The following ZMAT4 variants were observed in gnomAD, a reference collection of about 807,000 sequenced individuals.
The protein encoded by ZMAT4 is zinc finger matrin-type protein 4.
A neutral mutation model predicts 28.7 loss-of-function variants in ZMAT4; 17 were observed. That is an observed-to-expected ratio of 0.59 (90% CI 0.41 to 0.89). ZMAT4 has a LOEUF of 0.89. Among genes scored for constraint, ZMAT4 ranks in the 40% least tolerant of loss-of-function variants. ZMAT4 has a pLI of 0.00. For synonymous variants in ZMAT4, 117 were observed against 109.2 expected, an observed-to-expected ratio of 1.07 and a Z score of -0.44; for missense variants, 240 against 283.8, an observed-to-expected ratio of 0.85 and a Z score of 1.11.
At chr8:40,880,890 T>G (rs922671602) in intron 1 of ZMAT4, among the ~76,000 whole-genome samples, 11 of 152,260 alleles carry the variant, frequency 7.2e-5, no homozygotes, top group Admixed American at 3.9e-4. Context: ...TCTACGCTTG[T>G]GCCGAGATTC....
intron 3 of ZMAT4, among the ~76,000 whole-genome samples, chr8:40,763,224 C>A (rs930741321): frequency 6.6e-6 from 1 of 152,254 alleles, no homozygotes; most frequent in East Asian, 1.9e-4. Context: ...GTGTCCATGT[C>A]CCCCAGCGCT....
rs750146155 is a variant in ZMAT4, at chr8:40,697,411, G to A, written c.193-10C>T. On this transcript the variant is annotated splice_polypyrimidine_tract_variant and intron_variant, in intron 3 of 6. Coordinates refer to ENST00000297737, the MANE Select transcript of ZMAT4 (RefSeq NM_024645.3). ...TGTCGGCATCACTTCCCTGCGCAGG[G>A]AGAAAGAAAGGCCACGTGTGAGAGA... The A allele has an allele frequency of 7.1e-6, 11 of 1,554,858 alleles. No homozygotes were observed. The highest frequency in any genetic ancestry group is 1.8e-4 in the Middle Eastern group (1 of 5,518).
chr8:40,615,720 G>T (rs549709210), intron 5 of ZMAT4, among the ~76,000 whole-genome samples: 2 of 152,030 alleles, frequency 1.3e-5, no homozygotes, highest in East Asian at 3.9e-4. Context: ...TGATCGAATC[G>T]GATACTGAAA....
chr8:40,667,295 A>C (rs1419265001), intron 5 of ZMAT4, among the ~76,000 whole-genome samples: 1 of 152,020 alleles, frequency 6.6e-6, no homozygotes, highest in African/African-American at 2.4e-5. Context: ...AGCTGGGACT[A>C]TAGGCGCCCG....
chr8:40,804,510 T>C (rs1814992089), intron 2 of ZMAT4, among the ~76,000 whole-genome samples: 1 of 152,174 alleles, frequency 6.6e-6, no homozygotes, highest in Admixed American at 6.6e-5. Context: ...GTTGGTTGAC[T>C]GACTTTGGAG....
intron 5 of ZMAT4, among the ~76,000 whole-genome samples, chr8:40,647,611 C>G (rs887779195): frequency 6.6e-6 from 1 of 152,204 alleles, no homozygotes; most frequent in African/African-American, 2.4e-5. Context: ...GTAGGCTCCA[C>G]CTCTGGGGGC....
At chr8:40,839,869 G>A (rs1816640254) in intron 1 of ZMAT4, among the ~76,000 whole-genome samples, 1 of 152,214 alleles carries the variant, frequency 6.6e-6, no homozygotes, top group African/African-American at 2.4e-5. Context: ...TAAAAGCTCT[G>A]ATGTTACCAC....
At chr8:40,644,592 G>A (rs373708945) in intron 5 of ZMAT4, among the ~76,000 whole-genome samples, 2 of 152,170 alleles carry the variant, frequency 1.3e-5, no homozygotes. Flanking sequence ...AAACAAAGAG[G>A]ATAGATAAAC....
At chr8:40,665,936 T>G (rs1263784111) in intron 5 of ZMAT4, among the ~76,000 whole-genome samples, 5 of 152,222 alleles carry the variant, frequency 3.3e-5, no homozygotes, top group Admixed American at 6.5e-5. Flanking sequence ...CATTATTAAA[T>G]TTTTTAATGA....
intron 1 of ZMAT4, among the ~76,000 whole-genome samples, chr8:40,896,727 G>A (rs1188115785): frequency 1.3e-5 from 2 of 152,146 alleles, no homozygotes; most frequent in Non-Finnish European, 2.9e-5. Context: ...CTGCCTGCCG[G>A]GGTGAGCTGT....
chr8:40,848,418 CAT>C (rs1421195598), intron 1 of ZMAT4, among the ~76,000 whole-genome samples: 3 of 152,284 alleles, frequency 2.0e-5, no homozygotes, highest in East Asian at 1.9e-4. Context: ...ACTGAAAAAA[CAT>C]AGTGATTTTC....
intron 5 of ZMAT4, among the ~76,000 whole-genome samples, chr8:40,655,855 T>C (rs1281401644): frequency 6.6e-6 from 1 of 152,092 alleles, no homozygotes; most frequent in Non-Finnish European, 1.5e-5. Context: ...ACTCTTAGAA[T>C]AAAATTTTGA....
intron 6 of ZMAT4, among the ~76,000 whole-genome samples, chr8:40,572,754 A>T (rs376786667): frequency 3.3e-5 from 5 of 152,186 alleles, no homozygotes; most frequent in African/African-American, 1.2e-4. Flanking sequence ...CTCATCAGAT[A>T]GTTAATATTT....
intron 5 of ZMAT4, among the ~76,000 whole-genome samples, chr8:40,646,306 A>G (rs1807312394): frequency 6.7e-6 from 1 of 149,056 alleles, no homozygotes; most frequent in African/African-American, 2.5e-5. Context: ...TTAGACTATC[A>G]TTTTTATTTA....
intron 5 of ZMAT4, among the ~76,000 whole-genome samples, chr8:40,639,885 A>G (rs1216254238): frequency 1.3e-5 from 2 of 152,166 alleles, no homozygotes; most frequent in Non-Finnish European, 2.9e-5. Context: ...AACTTTTTAA[A>G]AAGGGTAAAA....
rs893863011 is a variant in ZMAT4, at chr8:40,531,240, C to T, written c.*983G>A. The T allele has an allele frequency of 2.6e-5, 4 of 152,132 alleles. No individual in the cohort carries two copies. Among genetic ancestry groups the T allele is most frequent in the African/African-American group, 9.7e-5 (4 of 41,432 alleles). The allele number at this position is 152,132 out of a possible 1,614,324, so 9.4% of individuals were successfully genotyped here. On this transcript the variant is annotated 3_prime_UTR_variant, in exon 7 of 7. Coordinates refer to ENST00000297737, the MANE Select transcript of ZMAT4 (RefSeq NM_024645.3). Reference sequence around the variant, plus strand: ...ATCGGTCATGCTCTTTCCAGAGTGACTGAGTCTTGGCTCAGCAGTAGGACT... The same window carrying T: ...ATCGGTCATGCTCTTTCCAGAGTGATTGAGTCTTGGCTCAGCAGTAGGACT...
intron 2 of ZMAT4, chr8:40,808,664 G>A (rs2150593891): frequency 5.3e-6 from 2 of 376,138 alleles, no homozygotes; most frequent in African/African-American, 2.1e-5. Flanking sequence ...CTTCACTCAG[G>A]GGAGGTAACA....
chr8:40,544,078 G>C (rs951854661), intron 6 of ZMAT4, among the ~76,000 whole-genome samples: 5 of 152,132 alleles, frequency 3.3e-5, no homozygotes, highest in Non-Finnish European at 5.9e-5. Context: ...CACATGTGTG[G>C]GAGGGGCCAA....
chr8:40,816,020 A>C (rs1815520202), intron 2 of ZMAT4, among the ~76,000 whole-genome samples: 1 of 152,148 alleles, frequency 6.6e-6, no homozygotes, highest in African/African-American at 2.4e-5. Flanking sequence ...TGCAGGTCCT[A>C]ATCACCACAT....
Sources: allele counts gnomAD v4.1 joint callset (sites outside exome capture counted in the v4.1 genomes callset), GRCh38; gene constraint gnomAD v4.1.1; transcripts MANE v1.5; gene names NCBI Gene and HGNC (gene_info 2026-07-23, HGNC 2026-07-21).